Variants in DOCK9 observed in about 807,000 individuals in gnomAD.
DOCK9 encodes the protein dedicator of cytokinesis 9.
Under a neutral mutation model 263.3 loss-of-function variants are expected in DOCK9, and 89 were observed. The ratio of observed to expected loss-of-function variants is 0.34; its 90% CI spans 0.28 to 0.40. DOCK9 has a LOEUF of 0.40. Ranked by LOEUF, DOCK9 falls within the 10% of genes least tolerant of loss-of-function variation. The probability of loss-of-function intolerance (pLI) is 1.00; values close to 1 mark genes in which losing one functional copy is unlikely to be tolerated. For synonymous variants in DOCK9, 976 were observed against 973.1 expected, an observed-to-expected ratio of 1.00 and a Z score of -0.06; for missense variants, 2,140 against 2,603.4, an observed-to-expected ratio of 0.82 and a Z score of 3.87.
At chr13:99,083,898 T>G (rs1275714202) in intron 1 of DOCK9, among the ~76,000 whole-genome samples, 1 of 152,246 alleles carries the variant, frequency 6.6e-6, no homozygotes, top group Non-Finnish European at 1.5e-5. Flanking sequence ...TTTTTTTAAA[T>G]CCATCTGCAG....
chr13:98,796,767 G>A (rs918392347), intron 52 of DOCK9, among the ~76,000 whole-genome samples: 1 of 152,156 alleles, frequency 6.6e-6, no homozygotes, highest in African/African-American at 2.4e-5. Flanking sequence ...AGGATTAAAG[G>A]AATAAAGTTG....
chr13:98,808,397 CTACAAGGCT>C (rs2090957605), intron 47 of DOCK9, among the ~76,000 whole-genome samples: 1 of 152,102 alleles, frequency 6.6e-6, no homozygotes, highest in African/African-American at 2.4e-5. Flanking sequence ...TCATGTTTGA[CTACAAGGCT>C]TAGAATTGCA....
At chr13:98,826,970 T>C in intron 43 of DOCK9, 83 bp from the exon 44 acceptor site, 1 of 1,028,708 alleles carries the variant, frequency 9.7e-7, no homozygotes, top group South Asian at 1.5e-5. Context: ...ATCTAATCAA[T>C]GTATGAACGT....
chr13:98,920,502 G>A (rs1247234019), intron 7 of DOCK9, among the ~76,000 whole-genome samples: 2 of 152,200 alleles, frequency 1.3e-5, no homozygotes, highest in African/African-American at 4.8e-5. Flanking sequence ...TTGGTAAGTG[G>A]AGGAGCAGGG....
rs971962910 is a variant in DOCK9, at chr13:98,815,464, AT to A, written c.5131-5174del. Among the ~76,000 whole-genome samples, 12 of 151,554 alleles carry A rather than the reference AT, an allele frequency of 7.9e-5. No individual in the cohort carries two copies. The East Asian group carries it at 9.7e-4, about 12-fold the overall frequency. ...GGGCCTTTTCAAAGAGAAATGTAAA[AT>A]TTTTTTTTGTTTGTTTGTTTGTTTT... On this transcript the variant is annotated intron_variant, in intron 45 of 52. Transcript: ENST00000682017.
Position 98,863,401 on chromosome 13 carries a change from T to A in DOCK9, c.3434A>T (p.Lys1145Met). 1 of 1,613,986 alleles carries A rather than the reference T, an allele frequency of 6.2e-7. No individual in the cohort carries two copies. The highest frequency in any genetic ancestry group is 8.5e-7 in the Non-Finnish European group (1 of 1,179,888). ...AISVLKNLLI[K>M]HSFDDRYASR... ...AGCATATCTGTCATCAAAAGAATGC[T>A]TTATCAGCAGGTTCTTGAGCACACT... Residue 1145 changes from lysine (K) to methionine (M), a missense_variant, in exon 31 of 53, where the codon AAG (lysine) becomes ATG (methionine). Transcript: ENST00000682017.
chr13:98,969,206 G>C (rs560696424), intron 1 of DOCK9, among the ~76,000 whole-genome samples: 1 of 152,314 alleles, frequency 6.6e-6, no homozygotes, highest in Non-Finnish European at 1.5e-5. Context: ...CAAAATCACA[G>C]ATGCACAGGA....
chr13:98,924,206 A>G (rs1202616672), intron 4 of DOCK9, among the ~76,000 whole-genome samples: 1 of 152,186 alleles, frequency 6.6e-6, no homozygotes, highest in South Asian at 2.1e-4. Context: ...ACCCATCTGG[A>G]GAAGATAATA....
rs1489506103 is a variant in DOCK9, at chr13:98,898,217, T to C, written c.1548A>G (p.Arg516=). The C allele has an allele frequency of 3.7e-6, 6 of 1,612,334 alleles. No homozygotes were observed. The highest frequency in any genetic ancestry group is 5.1e-6 in the Non-Finnish European group (6 of 1,179,202). ...CAAATGGCATTCTATACTGTCCTAG[T>C]CTTTGGCATGCCTGCTTGGCATTCT... ...VLKNAKQACQ[R]LGQYRMPFAW... The change falls in exon 14 of 53, where the codon AGA becomes AGG. Residue 516 remains arginine, a synonymous_variant. Coordinates refer to ENST00000682017, the MANE Select transcript of DOCK9 (RefSeq NM_001366683.2).
chr13:98,999,845 C>T (rs1247674255), intron 1 of DOCK9, among the ~76,000 whole-genome samples: 1 of 152,170 alleles, frequency 6.6e-6, no homozygotes, highest in South Asian at 2.1e-4. Context: ...TGTAACACAA[C>T]AGCCCAGTCC....
rs369790020 is a variant in DOCK9, at chr13:98,829,300, C to A, written c.4965+7G>T. On this transcript the variant is annotated splice_region_variant and intron_variant, in intron 43 of 52. Coordinates refer to ENST00000682017, the MANE Select transcript of DOCK9 (RefSeq NM_001366683.2). This position sits in a 1 kb window ranked among gnomAD's most constrained non-coding sequence, Gnocchi z 4.1. The stretch of plus-strand genomic sequence containing the variant: ...AAACCCATTCAAGCGGCTGGCAGGG[C>A]TACTACCTCTGAGAGATCGCCATTT... 1.1e-5 allele frequency: 17 copies of A among 1,608,960 alleles called. No individual in the cohort carries two copies. The highest frequency in any genetic ancestry group is 1.4e-5 in the Non-Finnish European group (17 of 1,177,818).
intron 2 of DOCK9, among the ~76,000 whole-genome samples, chr13:98,950,757 T>C (rs867435473): frequency 1.3e-5 from 2 of 152,334 alleles, no homozygotes; most frequent in Middle Eastern, 3.4e-3. Context: ...TCACTTTACA[T>C]AGTCGCACAA....
intron 1 of DOCK9, among the ~76,000 whole-genome samples, chr13:99,003,220 G>C (rs188367996): frequency 6.6e-6 from 1 of 152,324 alleles, no homozygotes; most frequent in East Asian, 1.9e-4. Context: ...CTAGAGGCAA[G>C]AGGCTTAAAC....
intron 1 of DOCK9, among the ~76,000 whole-genome samples, chr13:99,067,488 G>A (rs890541730): frequency 3.3e-5 from 5 of 152,236 alleles, no homozygotes; most frequent in African/African-American, 1.2e-4. Context: ...CAGCAGAGAA[G>A]ACTGGATTCC....
intron 1 of DOCK9, among the ~76,000 whole-genome samples, chr13:98,975,167 T>G (rs1394540362): frequency 6.6e-6 from 1 of 151,864 alleles, no homozygotes; most frequent in Non-Finnish European, 1.5e-5. Context: ...TCTCCTGAGG[T>G]CAGGAGTTCA....
At chr13:98,869,121 C>T (rs893226270) in intron 27 of DOCK9, among the ~76,000 whole-genome samples, 7 of 152,136 alleles carry the variant, frequency 4.6e-5, no homozygotes, top group Non-Finnish European at 8.8e-5. Flanking sequence ...ACTGAAAATA[C>T]GGATTTTGAT....
At chr13:98,991,563 TTATTGAATAATATTTGAATA>T (rs1183065290) in intron 1 of DOCK9, among the ~76,000 whole-genome samples, 8 of 152,226 alleles carry the variant, frequency 5.3e-5, no homozygotes, top group Admixed American at 5.2e-4. Flanking sequence ...TATTGATTAC[TTATTGAATAATATTTGAATA>T]TACTGGGTTA....
At chr13:99,022,046 A>C (rs1201776366) in intron 1 of DOCK9, among the ~76,000 whole-genome samples, 1 of 152,144 alleles carries the variant, frequency 6.6e-6, no homozygotes, top group Non-Finnish European at 1.5e-5. Context: ...AAAAGTGTGA[A>C]CTCTTACCAT....
chr13:98,923,198 G>T, intron 5 of DOCK9, 104 bp downstream of exon 5: 1 of 1,101,298 alleles, frequency 9.1e-7, no homozygotes, highest in Non-Finnish European at 1.4e-6. Context: ...TCCAATGCCT[G>T]TTTTGGCTAA....
Sources: gnomAD v4.1 joint callset for allele counts (sites outside exome capture counted in the v4.1 genomes callset) on GRCh38, gnomAD v4.1.1 for gene constraint, Gnocchi (gnomAD v3.1) non-coding constraint, MANE v1.5 for transcripts, NCBI Gene and HGNC (gene_info 2026-07-23, HGNC 2026-07-21) for gene names.